Variants in RIT2 observed in about 807,000 individuals in gnomAD.
RIT2 encodes GTP-binding protein Rit2.
In RIT2, 24 loss-of-function variants were observed where a neutral mutation model predicts 23.7. That is an observed-to-expected ratio of 1.01 (90% CI 0.73 to 1.43). The LOEUF is 1.43. RIT2 is among the 40% of genes most tolerant of loss of function. The pLI, the probability that RIT2 is intolerant of heterozygous loss-of-function variation, is 0.00. For synonymous variants in RIT2, 107 were observed against 91.1 expected (o/e 1.17, Z -0.99); for missense variants, 236 against 266.9 (o/e 0.88, Z 0.81).
intron 1 of RIT2, among the ~76,000 whole-genome samples, chr18:43,081,654 C>T (rs1309482488): frequency 6.6e-6 from 1 of 152,098 alleles, no homozygotes; most frequent in Non-Finnish European, 1.5e-5. Context: ...TAGAAGACTC[C>T]TGATTACTAA....
intron 4 of RIT2, among the ~76,000 whole-genome samples, chr18:42,796,068 G>A (rs9946696): frequency 0.3 from 46,162 of 151,900 alleles, 8,924 homozygotes; most frequent in African/African-American, 0.54. Context: ...GTGGCAACCC[G>A]CTCAGGTCCT....
At chr18:42,761,094 C>G (rs1258045721) in intron 4 of RIT2, among the ~76,000 whole-genome samples, 1 of 152,202 alleles carries the variant, frequency 6.6e-6, no homozygotes, top group African/African-American at 2.4e-5. Flanking sequence ...TCACTTTTCT[C>G]TTCAATCTGT....
At chr18:42,985,877 T>C (rs181081033) in intron 2 of RIT2, among the ~76,000 whole-genome samples, 2 of 152,034 alleles carry the variant, frequency 1.3e-5, no homozygotes, top group African/African-American at 2.4e-5. Context: ...AAGTAAAAGA[T>C]TGACCAGTTG....
At chr18:42,934,985 C>A (rs1023160324) in intron 3 of RIT2, among the ~76,000 whole-genome samples, 2 of 151,950 alleles carry the variant, frequency 1.3e-5, no homozygotes, top group African/African-American at 2.4e-5. Flanking sequence ...CAGAAAAAAG[C>A]GATAAATAGA....
chr18:42,744,916 A>G lies in RIT2; in HGVS notation c.427-1196T>C, dbSNP rs372420506. On this transcript the variant is annotated intron_variant, in intron 4 of 4. Transcript: ENST00000326695. ...CCATGCTGTGGTTCATGCTGTTGTAATGGATCTCTAGAAATCATAAACTGA... is the reference window on the plus strand; with the variant it reads ...CCATGCTGTGGTTCATGCTGTTGTAGTGGATCTCTAGAAATCATAAACTGA... Among the ~76,000 whole-genome samples, 10 of 152,204 alleles carry G rather than the reference A, an allele frequency of 6.6e-5. No homozygotes were observed. The South Asian group carries it at 1.2e-3, about 19-fold the overall frequency.
chr18:42,760,337 A>T (rs1913271952), intron 4 of RIT2, among the ~76,000 whole-genome samples: 1 of 152,216 alleles, frequency 6.6e-6, no homozygotes, highest in African/African-American at 2.4e-5. Context: ...TGCTGGAGTA[A>T]GGAAGGTAAT....
chr18:43,102,224 G>C (rs548212986), intron 1 of RIT2, among the ~76,000 whole-genome samples: 1 of 152,226 alleles, frequency 6.6e-6, no homozygotes, highest in East Asian at 1.9e-4. Flanking sequence ...AACATATGTG[G>C]AAACATGTGG....
chr18:43,073,788 A>G (rs934636959), intron 1 of RIT2, among the ~76,000 whole-genome samples: 2 of 152,182 alleles, frequency 1.3e-5, no homozygotes, highest in Admixed American at 1.3e-4. Flanking sequence ...CATAAAACAT[A>G]AGAGTCCTAT....
chr18:42,926,401 A>C (rs1371497805), intron 3 of RIT2, among the ~76,000 whole-genome samples: 2 of 151,942 alleles, frequency 1.3e-5, no homozygotes, highest in Non-Finnish European at 2.9e-5. Flanking sequence ...TGAAGAATGT[A>C]GTAGTTGTCT....
chr18:43,046,455 C>T (rs553092859), intron 1 of RIT2, among the ~76,000 whole-genome samples: 1 of 152,282 alleles, frequency 6.6e-6, no homozygotes, highest in African/African-American at 2.4e-5. Context: ...CCACAGTAAA[C>T]ATGCTTCGGC....
intron 3 of RIT2, among the ~76,000 whole-genome samples, chr18:42,956,638 A>G (rs946479132): frequency 1.3e-5 from 2 of 152,096 alleles, no homozygotes; most frequent in Non-Finnish European, 1.5e-5. Flanking sequence ...TATTTTAAGG[A>G]GCAGTACCAT....
chr18:42,871,524 A>T (rs1218710095), intron 4 of RIT2, among the ~76,000 whole-genome samples: 4 of 152,214 alleles, frequency 2.6e-5, no homozygotes, highest in Admixed American at 2.0e-4. Flanking sequence ...CACACAACTA[A>T]TCCATACTGA....
chr18:42,887,635 T>C (rs1036971236), intron 4 of RIT2, among the ~76,000 whole-genome samples: 1 of 152,204 alleles, frequency 6.6e-6, no homozygotes, highest in Admixed American at 6.5e-5. Flanking sequence ...ACTCTTGTCA[T>C]GCAACCCAGC....
At chr18:42,905,194 T>A (rs890866270) in intron 4 of RIT2, among the ~76,000 whole-genome samples, 1 of 152,174 alleles carries the variant, frequency 6.6e-6, no homozygotes, top group Non-Finnish European at 1.5e-5. Flanking sequence ...AGTTTAATAA[T>A]AGATCAATAG....
intron 4 of RIT2, among the ~76,000 whole-genome samples, chr18:42,829,804 C>T (rs1175614356): frequency 6.6e-6 from 1 of 151,720 alleles, no homozygotes; most frequent in African/African-American, 2.4e-5. Flanking sequence ...ATAGCAAAAG[C>T]AAACAAAACA....
At chr18:43,033,944 C>A in intron 1 of RIT2, 77 bp from the exon 2 acceptor site, 1 of 973,366 alleles carries the variant, frequency 1.0e-6, no homozygotes, top group South Asian at 1.4e-5. Context: ...CATAGTCCAC[C>A]AATCTTTTAA....
intron 4 of RIT2, among the ~76,000 whole-genome samples, chr18:42,826,265 C>T (rs114222067): frequency 0.011 from 1,725 of 152,076 alleles, 38 homozygotes; most frequent in African/African-American, 0.04. Context: ...AAAGCTGAAG[C>T]AGGTAGATGT....
At chr18:42,875,345 T>A (rs1790568) in intron 4 of RIT2, among the ~76,000 whole-genome samples, 7,215 of 150,624 alleles carry the variant, frequency 0.048, 470 homozygotes, top group African/African-American at 0.15. Context: ...TTTTTTTTTT[T>A]AAAAAAAGGT....
chr18:43,057,483 G>T (rs1385122811), intron 1 of RIT2, among the ~76,000 whole-genome samples: 1 of 152,098 alleles, frequency 6.6e-6, no homozygotes, highest in Non-Finnish European at 1.5e-5. Flanking sequence ...TTCTATTAAA[G>T]TTAGACATCT....
Sources: gnomAD v4.1 joint callset for allele counts (sites outside exome capture counted in the v4.1 genomes callset) on GRCh38, gnomAD v4.1.1 for gene constraint, MANE v1.5 for transcripts, NCBI Gene and HGNC (gene_info 2026-07-23, HGNC 2026-07-21) for gene names.